TMC5: variants seen among roughly 807,000 people sequenced by gnomAD.
The protein encoded by TMC5 is transmembrane channel like 5, also known as transmembrane channel-like protein 5.
Under a neutral mutation model 110.5 loss-of-function variants are expected in TMC5, and 86 were observed. The observed-to-expected ratio is 0.78, with a 90% confidence interval of 0.65 to 0.93. TMC5 has a LOEUF of 0.93. TMC5 is among the 40% of genes least tolerant of loss of function. The pLI, the probability that TMC5 is intolerant of heterozygous loss-of-function variation, is 0.00. For missense variants in TMC5, 1,144 were observed against 1,222.8 expected, an observed-to-expected ratio of 0.94 and a Z score of 0.96; for synonymous variants, 455 against 439.5, an observed-to-expected ratio of 1.04 and a Z score of -0.44.
intron 18 of TMC5, among the ~76,000 whole-genome samples, 175 bp downstream of exon 18, chr16:19,490,743 C>A (rs1968869304): frequency 3.0e-5 from 2 of 67,262 alleles, no homozygotes; most frequent in Non-Finnish European, 5.9e-5. Context: ...TCCTTCCTTC[C>A]TTCCTTCCTT....
At chr16:19,465,889 T>C (rs1400333823) in intron 8 of TMC5, among the ~76,000 whole-genome samples, 193 bp from the exon 9 acceptor site, 2 of 152,198 alleles carry the variant, frequency 1.3e-5, no homozygotes, top group Non-Finnish European at 2.9e-5. Flanking sequence ...AAAGTTACAC[T>C]GGATTTCTTT....
chr16:19,427,919 T>C (rs1364518365), intron 1 of TMC5, among the ~76,000 whole-genome samples: 1 of 152,220 alleles, frequency 6.6e-6, no homozygotes, highest in African/African-American at 2.4e-5. Flanking sequence ...CATCAGCCCC[T>C]GAATGCAAAC....
At chr16:19,417,106 A>AAAAG (rs1489252286), upstream of TMC5, among the ~76,000 whole-genome samples, 1 of 149,680 alleles carries the variant, frequency 6.7e-6, no homozygotes, top group Non-Finnish European at 1.5e-5. Flanking sequence ...AAAAAAAAAA[A>AAAAG]AAAAAAAAGA....
At chr16:19,441,589 G>C (rs554423733) in intron 3 of TMC5, among the ~76,000 whole-genome samples, 1 of 150,548 alleles carries the variant, frequency 6.6e-6, no homozygotes, top group Admixed American at 6.6e-5. Flanking sequence ...CACCATGCCC[G>C]GCCATGTTTG....
intron 14 of TMC5, among the ~76,000 whole-genome samples, chr16:19,480,518 G>A (rs1372756246): frequency 6.6e-6 from 1 of 152,048 alleles, no homozygotes; most frequent in African/African-American, 2.4e-5. Context: ...AAGGTGAAAA[G>A]GTTTGGCCGG....
intron 20 of TMC5, among the ~76,000 whole-genome samples, chr16:19,495,915 C>T (rs1969040754): frequency 6.6e-6 from 1 of 152,104 alleles, no homozygotes. Context: ...GGGCTTATCA[C>T]TTGAGGTCAG....
chr16:19,496,512 T>C (rs1304261365), intron 20 of TMC5, among the ~76,000 whole-genome samples: 2 of 152,162 alleles, frequency 1.3e-5, no homozygotes, highest in Non-Finnish European at 2.9e-5. Context: ...GTAGATTCTC[T>C]GAAGGTGAGG....
At chr16:19,427,064 A>T (rs1273567902) in intron 1 of TMC5, among the ~76,000 whole-genome samples, 1 of 112,404 alleles carries the variant, frequency 8.9e-6, no homozygotes, top group Non-Finnish European at 2.2e-5. Context: ...TCACCTGAGG[A>T]TCCATGTGCC....
At chr16:19,454,003 C>T (rs1259055823) in intron 5 of TMC5, among the ~76,000 whole-genome samples, 4 of 152,144 alleles carry the variant, frequency 2.6e-5, no homozygotes, top group African/African-American at 9.7e-5. Flanking sequence ...CAGGTGTGAG[C>T]CACCACCTCA....
chr16:19,490,769 T>TTCTTTCCCTTCC (rs1447162337), intron 18 of TMC5, among the ~76,000 whole-genome samples: 24 of 46,628 alleles, frequency 5.1e-4, no homozygotes, highest in African/African-American at 9.7e-4. Context: ...CTTCCCTTCC[T>TTCTTTCCCTTCC]TTTTTTCTTT....
At chr16:19,421,984 A>G (rs1966992980) in intron 1 of TMC5, among the ~76,000 whole-genome samples, 1 of 152,158 alleles carries the variant, frequency 6.6e-6, no homozygotes, top group Non-Finnish European at 1.5e-5. Flanking sequence ...TAATCCCAGT[A>G]CTTTGGAAGG....
At chr16:19,477,247 C>CA (rs1426927428) in intron 12 of TMC5, among the ~76,000 whole-genome samples, 193 bp from the exon 13 acceptor site, 5 of 150,842 alleles carry the variant, frequency 3.3e-5, no homozygotes, top group Non-Finnish European at 7.4e-5. Context: ...GACTCCGTCT[C>CA]AAAAAATAAA....
chr16:19,423,479 C>T (rs1352042072), intron 1 of TMC5, among the ~76,000 whole-genome samples: 1 of 152,206 alleles, frequency 6.6e-6, no homozygotes, highest in Non-Finnish European at 1.5e-5. Flanking sequence ...AATTTAGCAC[C>T]TCAACATTTT....
At chr16:19,411,280 T>C (rs1457980138) in intron 1 of TMC5, 1 of 152,226 alleles carries the variant, frequency 6.6e-6, no homozygotes, top group Non-Finnish European at 1.5e-5. Context: ...TTATGCTCTC[T>C]GGGCTCCAGT....
chr16:19,424,598 G>A (rs1424917670), intron 1 of TMC5, among the ~76,000 whole-genome samples: 4 of 152,174 alleles, frequency 2.6e-5, no homozygotes, highest in African/African-American at 9.7e-5. Flanking sequence ...GCAGTGAGCC[G>A]AGATGGCGCC....
intron 5 of TMC5, among the ~76,000 whole-genome samples, chr16:19,450,506 A>G (rs143600222): frequency 0.013 from 2,034 of 152,216 alleles, 22 homozygotes; most frequent in South Asian, 0.076. Context: ...TTCTGTATGT[A>G]TAGGTATGTC....
intron 5 of TMC5, among the ~76,000 whole-genome samples, chr16:19,453,565 G>C (rs1251091075): frequency 6.6e-6 from 1 of 151,466 alleles, no homozygotes; most frequent in Non-Finnish European, 1.5e-5. Context: ...CTCCAGCCTG[G>C]GCAACAGAAT....
chr16:19,498,023 G>A lies in TMC5; in HGVS notation c.*57G>A. On this transcript the variant is annotated 3_prime_UTR_variant, in exon 22 of 22. Coordinates refer to ENST00000542583, the MANE Select transcript of TMC5 (RefSeq NM_001261841.2). Reference sequence around the variant, plus strand: ...TAAGGGGAGGAGACGAAAATGGAATGATTTCTTCCATGCCACCTGTGCCTT... The same window carrying A: ...TAAGGGGAGGAGACGAAAATGGAATAATTTCTTCCATGCCACCTGTGCCTT... The A allele has an allele frequency of 6.6e-7, 1 of 1,518,218 alleles. No individual in the cohort carries two copies. The highest frequency in any genetic ancestry group is 9.2e-7 in the Non-Finnish European group (1 of 1,092,418). 94.0% of individuals were successfully genotyped at this position (1,518,218 alleles called of 1,614,324 possible). A position where few individuals can be genotyped will look rare whatever the true frequency, so the allele number is the denominator to read the frequency against.
intron 13 of TMC5, 119 bp from the exon 14 acceptor site, chr16:19,479,312 G>A (rs1419777548): frequency 1.3e-6 from 1 of 794,988 alleles, no homozygotes; most frequent in Non-Finnish European, 2.2e-6. Context: ...GAGTACACAA[G>A]GACTTGGTCA....
Sources: gnomAD v4.1 joint callset for allele counts (sites outside exome capture counted in the v4.1 genomes callset) on GRCh38, gnomAD v4.1.1 for gene constraint, MANE v1.5 for transcripts, NCBI Gene and HGNC (gene_info 2026-07-23, HGNC 2026-07-21) for gene names.